DCP2: variants seen among roughly 807,000 people sequenced by gnomAD.
DCP2 encodes the protein decapping mRNA 2, also known as m7GpppN-mRNA hydrolase.
A neutral mutation model predicts 56.1 loss-of-function variants in DCP2; 30 were observed. That is an observed-to-expected ratio of 0.53 (90% CI 0.40 to 0.73). The LOEUF (loss-of-function observed/expected upper bound fraction) is 0.73, where lower values mean the gene tolerates loss of function less well. Ranked by LOEUF, DCP2 falls within the 30% of genes least tolerant of loss-of-function variation. The pLI is 0.00. For synonymous variants in DCP2, 197 were observed against 163.3 expected, an observed-to-expected ratio of 1.21 and a Z score of -1.57; for missense variants, 533 against 502.7, an observed-to-expected ratio of 1.06 and a Z score of -0.58.
At chr5:112,998,655 A>G (rs925672000) in intron 4 of DCP2, among the ~76,000 whole-genome samples, 3 of 152,222 alleles carry the variant, frequency 2.0e-5, no homozygotes, top group African/African-American at 4.8e-5. Context: ...TGAGGATGAG[A>G]TAGTGTCGTA....
chr5:112,994,852 C>T (rs1277486926), intron 4 of DCP2, among the ~76,000 whole-genome samples: 1 of 152,114 alleles, frequency 6.6e-6, no homozygotes. Flanking sequence ...GAAGTAATAT[C>T]TTTAAGGAAA....
At chr5:112,989,621 A>AT (rs777857614) in intron 2 of DCP2, among the ~76,000 whole-genome samples, 3 of 152,204 alleles carry the variant, frequency 2.0e-5, no homozygotes, top group Non-Finnish European at 4.4e-5. Flanking sequence ...TAAAAAACAG[A>AT]TTAAAAAAAC....
intron 2 of DCP2, 21 bp downstream of exon 2, chr5:112,986,007 ATGAC>A (rs1298298395): frequency 1.3e-6 from 2 of 1,500,606 alleles, no homozygotes; most frequent in Non-Finnish European, 1.8e-6. Flanking sequence ...TATTACTATA[ATGAC>A]TGACTTTCTT....
rs1009539979 is a variant in DCP2, at chr5:113,020,560, G to GAAC, written c.*7078_*7080dup. The GAAC allele has an allele frequency of 6.6e-6, 1 of 152,142 alleles. No individual in the cohort carries two copies. Among genetic ancestry groups the GAAC allele is most frequent in the African/African-American group, 2.4e-5 (1 of 41,444 alleles). The allele number at this position is 152,142 out of a possible 1,614,324, so 9.4% of individuals were successfully genotyped here. On this transcript the variant is annotated 3_prime_UTR_variant, in exon 11 of 11. Transcript: ENST00000389063. ...TTTCTAGATTTATGTTGTTGTAGTT[G>GAAC]AACAGCAACTGTTTTTTTCCCTCAG...
chr5:112,995,545 T>C (rs1415541299), intron 4 of DCP2, among the ~76,000 whole-genome samples: 1 of 152,212 alleles, frequency 6.6e-6, no homozygotes, highest in Non-Finnish European at 1.5e-5. Context: ...TTTTAGGTTT[T>C]TGTCTTGGTT....
intron 4 of DCP2, among the ~76,000 whole-genome samples, chr5:112,997,613 C>CTTTTT (rs555386404): frequency 2.8e-5 from 4 of 140,864 alleles, no homozygotes; most frequent in Non-Finnish European, 6.2e-5. Context: ...TTTTCTTTTT[C>CTTTTT]TTTTTTTTTT....
intron 9 of DCP2, among the ~76,000 whole-genome samples, chr5:113,009,268 C>A (rs4705746): frequency 0.75 from 114,174 of 152,176 alleles, 43,036 homozygotes; most frequent in African/African-American, 0.81. Context: ...AATACTCTCA[C>A]ATTTGTCTAG....
At chr5:113,000,704 T>C (rs778381320) in intron 4 of DCP2, among the ~76,000 whole-genome samples, 3 of 152,174 alleles carry the variant, frequency 2.0e-5, no homozygotes, top group Non-Finnish European at 4.4e-5. Flanking sequence ...TTCCACATCA[T>C]TGATGATTTA....
intron 4 of DCP2, among the ~76,000 whole-genome samples, chr5:112,993,352 T>C (rs991283410): frequency 6.6e-6 from 1 of 152,198 alleles, no homozygotes; most frequent in Non-Finnish European, 1.5e-5. Flanking sequence ...TTTGCTGTTA[T>C]GGCCAGGCAC....
At chr5:113,005,859 A>G (rs1052897672) in intron 8 of DCP2, among the ~76,000 whole-genome samples, 3 of 152,232 alleles carry the variant, frequency 2.0e-5, no homozygotes, top group South Asian at 2.1e-4. Context: ...CTGCCCAGGC[A>G]TGGGGGCTCA....
At chr5:112,983,260 G>A (rs1019171430) in intron 1 of DCP2, among the ~76,000 whole-genome samples, 2 of 152,126 alleles carry the variant, frequency 1.3e-5, no homozygotes, top group African/African-American at 2.4e-5. Flanking sequence ...AAAACACTAC[G>A]CTGAATAATT....
At chr5:112,990,431 G>A (rs1412610795) in intron 2 of DCP2, among the ~76,000 whole-genome samples, 1 of 152,132 alleles carries the variant, frequency 6.6e-6, no homozygotes, top group Non-Finnish European at 1.5e-5. Context: ...AGTTCTGCTA[G>A]GGATTTTACT....
At chr5:112,992,581 A>C (rs1353094210) in intron 3 of DCP2, 91 bp from the exon 4 acceptor site, 1 of 914,594 alleles carries the variant, frequency 1.1e-6, no homozygotes, top group African/African-American at 1.7e-5. Context: ...GATAACAGTT[A>C]CCTCAAGTAA....
At position 112,992,180 on chromosome 5, in the gene DCP2, G is replaced by A. The variant is rs748224881; in HGVS notation, c.265G>A (p.Glu89Lys). The A allele has an allele frequency of 6.2e-7, 1 of 1,613,996 alleles. No homozygotes were observed. Among genetic ancestry groups the A allele is most frequent in the South Asian group, 1.1e-5 (1 of 91,058 alleles). ...QGEDVEKVLD[E>K]WKEYKMGVPT... Reference sequence around the variant, plus strand: ...TGAAGATGTGGAAAAAGTTTTGGATGAATGGAAGGAATATAAAATGGGAGT... The same window carrying A: ...TGAAGATGTGGAAAAAGTTTTGGATAAATGGAAGGAATATAAAATGGGAGT... Residue 89 changes from glutamate (E) to lysine (K), a missense_variant, in exon 3 of 11, where the codon GAA becomes AAA. Physicochemically the swap from Glu to Lys is moderately conservative, Grantham distance 56 (BLOSUM62 1). Transcript: ENST00000389063.
intron 8 of DCP2, among the ~76,000 whole-genome samples, chr5:113,005,168 G>GTGTGTGTGTT (rs1749367643): frequency 6.6e-6 from 1 of 151,702 alleles, no homozygotes; most frequent in East Asian, 1.9e-4. Context: ...GTGTGTGTGT[G>GTGTGTGTGTT]TAAACTGGGC....
intron 1 of DCP2, among the ~76,000 whole-genome samples, chr5:112,981,447 A>C (rs947927284): frequency 6.6e-6 from 1 of 152,212 alleles, no homozygotes; most frequent in African/African-American, 2.4e-5. Context: ...TTAACTTGAA[A>C]AAAATTAGGG....
chr5:112,982,390 C>G (rs1748048690), intron 1 of DCP2, among the ~76,000 whole-genome samples: 1 of 152,224 alleles, frequency 6.6e-6, no homozygotes, highest in South Asian at 2.1e-4. Context: ...TCACAACTCT[C>G]TGAGATGGTA....
rs1749907170 is a variant in DCP2 at position 113,016,841 on chromosome 5, T to C, written c.*3357T>C. 2.9e-4 allele frequency: 4 copies of C among 13,826 alleles called. No individual in the cohort carries two copies. The highest frequency in any genetic ancestry group is 5.6e-3 in the South Asian group (2 of 360). 0.9% of individuals were successfully genotyped at this position (13,826 alleles called of 1,614,324 possible). The stretch of plus-strand genomic sequence containing the variant: ...TTTCTTACCACAATACCCTCTTGGC[T>C]TTTTTTTTTTTTTTTTTGAGATGGA... On this transcript the variant is annotated 3_prime_UTR_variant, in exon 11 of 11. Coordinates refer to ENST00000389063, the MANE Select transcript of DCP2 (RefSeq NM_152624.6).
In DCP2 at chr5:113,018,461, G is replaced by C. The variant is rs1490642906; in HGVS notation, c.*4977G>C. ...ACGTAAAAGGAATGAGCTTTCACAA[G>C]GTGCTTACGTTAGCTGGGTAGTATT... On this transcript the variant is annotated 3_prime_UTR_variant, in exon 11 of 11. Coordinates refer to ENST00000389063, the MANE Select transcript of DCP2 (RefSeq NM_152624.6). 1.3e-5 allele frequency: 2 copies of C among 152,254 alleles called. No individual in the cohort carries two copies. Among genetic ancestry groups the C allele is most frequent in the African/African-American group, 4.8e-5 (2 of 41,462 alleles). The allele number at this position is 152,254 out of a possible 1,614,324, so 9.4% of individuals were successfully genotyped here. A position where few individuals can be genotyped will look rare whatever the true frequency, so the allele number is the denominator to read the frequency against.
Sources: gnomAD v4.1 joint callset for allele counts (sites outside exome capture counted in the v4.1 genomes callset) on GRCh38, gnomAD v4.1.1 for gene constraint, MANE v1.5 for transcripts, NCBI Gene and HGNC (gene_info 2026-07-23, HGNC 2026-07-21) for gene names.